Variants in ZNF610 observed in about 807,000 individuals in gnomAD.
The protein encoded by ZNF610 is zink finger protein.
Under a neutral mutation model 14.1 loss-of-function variants are expected in ZNF610, and 14 were observed. That is an observed-to-expected ratio of 0.99 (90% confidence interval 0.65 to 1.55). The LOEUF is 1.55. Among genes scored for constraint, ZNF610 ranks in the 40% most tolerant of loss-of-function variants. The pLI is 0.00. For synonymous variants in ZNF610, 185 were observed against 187.6 expected (o/e 0.99, Z 0.11); for missense variants, 530 against 558.0 (o/e 0.95, Z 0.51).
upstream of ZNF610, among the ~76,000 whole-genome samples, chr19:52,332,373 G>A (rs1018566109): frequency 1.3e-5 from 2 of 152,200 alleles, no homozygotes; most frequent in African/African-American, 4.8e-5. The surrounding 1 kb of genome is among the most constrained non-coding windows in gnomAD (Gnocchi z 4.1). Flanking sequence ...GAGATGGATT[G>A]AAACAGGCTC....
intron 1 of ZNF610, among the ~76,000 whole-genome samples, chr19:52,342,932 C>G (rs1984755789): frequency 6.6e-6 from 1 of 152,122 alleles, no homozygotes; most frequent in Admixed American, 6.6e-5. Context: ...CCCACACCCT[C>G]TACCTTTCCT....
chr19:52,354,580 ATTTTTTTTTT>A (rs201439857), intron 5 of ZNF610, among the ~76,000 whole-genome samples: 13 of 123,586 alleles, frequency 1.1e-4, no homozygotes, highest in African/African-American at 2.2e-4. Context: ...AAGCCATACT[ATTTTTTTTTT>A]TTTTTTTTTT....
In ZNF610 at chr19:52,336,490, G is replaced by C. The variant is rs1984386441; in HGVS notation, c.-274G>C. 2 of 163,750 alleles carry C rather than the reference G, an allele frequency of 1.2e-5. No homozygotes were observed. Among genetic ancestry groups the C allele is most frequent in the East Asian group, 3.8e-4 (2 of 5,282 alleles). 10.1% of individuals were successfully genotyped at this position (163,750 alleles called of 1,614,324 possible). On this transcript the variant is annotated 5_prime_UTR_variant, in exon 1 of 6. Coordinates refer to ENST00000403906, the MANE Select transcript of ZNF610 (RefSeq NM_001161425.2). ...TCGGCGACGGGTCCTGTCCCCGCTC[G>C]TTCTGCCTTGGGCCAGGTAAACACG...
chr19:52,344,361 C>A (rs1049943448), intron 1 of ZNF610, among the ~76,000 whole-genome samples: 1 of 152,062 alleles, frequency 6.6e-6, no homozygotes, highest in African/African-American at 2.4e-5. Context: ...CCTGACCCCA[C>A]CCCAACTCTC....
intron 1 of ZNF610, among the ~76,000 whole-genome samples, chr19:52,339,020 G>T (rs1053889618): frequency 6.6e-6 from 1 of 151,948 alleles, no homozygotes; most frequent in Non-Finnish European, 1.5e-5. Context: ...ATAGTGGGGA[G>T]AGGGTCAGCA....
At chr19:52,334,960 ATGTAATT>A (rs1984306850), upstream of ZNF610, among the ~76,000 whole-genome samples, 2 of 136,442 alleles carry the variant, frequency 1.5e-5, no homozygotes, top group Non-Finnish European at 3.2e-5. Flanking sequence ...CACACACACA[ATGTAATT>A]TACATCTATT....
At chr19:52,331,325 C>T (rs553416922), upstream of ZNF610, among the ~76,000 whole-genome samples, 4 of 152,268 alleles carry the variant, frequency 2.6e-5, no homozygotes, top group Admixed American at 2.0e-4. Flanking sequence ...GTGGCAGTCC[C>T]CAATAACACA....
chr19:52,365,747 T>G lies in ZNF610; in HGVS notation c.369T>G (p.Asn123Lys). ...GSNAENKPIK[N>K]QLGLTLEAHL... ...ATGCAGAAAACAAGCCTATTAAAAA[T>G]CAACTTGGATTAACCCTTGAGGCAC... is the stretch of plus-strand genomic sequence containing the variant. Residue 123 changes from asparagine to lysine, a missense_variant, in exon 6 of 6, where the codon AAT (asparagine) becomes AAG (lysine). By Grantham distance (94) the Asn-to-Lys change is moderately conservative. Transcript: ENST00000403906. 1 of 1,611,786 alleles carries G rather than the reference T, an allele frequency of 6.2e-7. No individual in the cohort carries two copies. The highest frequency in any genetic ancestry group is 8.5e-7 in the Non-Finnish European group (1 of 1,179,422).
At chr19:52,333,193 T>C (rs1297742894), upstream of ZNF610, among the ~76,000 whole-genome samples, 1 of 152,176 alleles carries the variant, frequency 6.6e-6, no homozygotes, top group African/African-American at 2.4e-5. Flanking sequence ...TGCTCAGTAA[T>C]GCAAAATCGG....
upstream of ZNF610, among the ~76,000 whole-genome samples, chr19:52,331,306 C>T (rs1984208044): frequency 6.6e-6 from 1 of 152,180 alleles, no homozygotes; most frequent in Non-Finnish European, 1.5e-5. Context: ...TCAGACAAAT[C>T]CCAATAGAGT....
At chr19:52,334,936 A>AACAAACACACACACACACACACACACAC (rs1555800373), upstream of ZNF610, among the ~76,000 whole-genome samples, 15 of 41,534 alleles carry the variant, frequency 3.6e-4, no homozygotes, top group African/African-American at 7.9e-4. Context: ...CTCAAAAACA[A>AACAAACACACACACACACACACACACAC]ACACACACAC....
At chr19:52,357,095 G>A (rs321941) in intron 5 of ZNF610, among the ~76,000 whole-genome samples, 40,284 of 152,000 alleles carry the variant, frequency 0.27, 6,738 homozygotes, top group African/African-American at 0.47. Context: ...TGGAACTTTC[G>A]ACCAACTGGC....
intron 5 of ZNF610, among the ~76,000 whole-genome samples, chr19:52,364,602 G>A (rs144958510): frequency 9.2e-5 from 14 of 152,180 alleles, no homozygotes; most frequent in Middle Eastern, 3.4e-3. Context: ...TCGCTCTGTC[G>A]CCCAGGCTAG....
At chr19:52,354,120 G>T in intron 4 of ZNF610, 131 bp from the exon 5 acceptor site, 1 of 1,277,196 alleles carries the variant, frequency 7.8e-7, no homozygotes, top group Non-Finnish European at 1.1e-6. Context: ...CATTCAGAAG[G>T]AGCCAGTCTG....
intron 1 of ZNF610, among the ~76,000 whole-genome samples, chr19:52,342,655 G>C (rs562811576): frequency 6.6e-6 from 1 of 151,206 alleles, no homozygotes; most frequent in African/African-American, 2.4e-5. Flanking sequence ...GAGTAGTCCC[G>C]AGCTGGGACT....
intron 5 of ZNF610, among the ~76,000 whole-genome samples, chr19:52,361,380 A>G (rs1411718234): frequency 6.6e-6 from 1 of 151,772 alleles, no homozygotes; most frequent in African/African-American, 2.4e-5. Flanking sequence ...GGGTTTCACC[A>G]TGGCCAAGCT....
intron 1 of ZNF610, among the ~76,000 whole-genome samples, chr19:52,338,871 C>T (rs1047563802): frequency 6.6e-6 from 1 of 152,010 alleles, no homozygotes; most frequent in Non-Finnish European, 1.5e-5. Context: ...GAGCAAAGTA[C>T]AGAGAAAGAA....
At chr19:52,358,224 G>A (rs558073854) in intron 5 of ZNF610, among the ~76,000 whole-genome samples, 2 of 152,048 alleles carry the variant, frequency 1.3e-5, no homozygotes, top group Admixed American at 6.6e-5. Context: ...CCACTCTGTC[G>A]CCGGGCTGGA....
chr19:52,366,724 T>G lies in ZNF610; in HGVS notation c.1346T>G (p.Ile449Ser). The G allele has an allele frequency of 6.2e-7, 1 of 1,614,046 alleles. No homozygotes were observed. ...QNPHLSRHRKIHAGENSLRTL... is the reference protein window; with the variant it reads ...QNPHLSRHRKSHAGENSLRTL... ...CCACACCTTTCACGACATCGGAAAA[T>G]TCATGCTGGAGAGAATTCACTGCGT... The change falls in exon 6 of 6, where the codon ATT becomes AGT. Residue 449 changes from isoleucine (I) to serine (S), a missense_variant. By Grantham distance (142) the Ile-to-Ser change is moderately radical (BLOSUM62 -2). Coordinates refer to ENST00000403906, the MANE Select transcript of ZNF610 (RefSeq NM_001161425.2).
Sources: allele counts gnomAD v4.1 joint callset (sites outside exome capture counted in the v4.1 genomes callset), GRCh38; gene constraint gnomAD v4.1.1; non-coding constraint Gnocchi (gnomAD v3.1); transcripts MANE v1.5; gene names NCBI Gene and HGNC (gene_info 2026-07-23, HGNC 2026-07-21).